The following SNX13 variants were observed in gnomAD, a reference collection of about 807,000 sequenced individuals.
SNX13 encodes sorting nexin-13.
Under a neutral mutation model 133.6 loss-of-function variants are expected in SNX13, and 45 were observed. That is an observed-to-expected ratio of 0.34 (90% confidence interval 0.27 to 0.43). SNX13 has a LOEUF of 0.43. Ranked by LOEUF, SNX13 falls within the 20% of genes least tolerant of loss-of-function variation. The pLI, the probability that SNX13 is intolerant of heterozygous loss-of-function variation, is 1.00. For synonymous variants in SNX13, 414 were observed against 373.9 expected (o/e 1.11, Z -1.24); for missense variants, 1,032 against 1,145.1 (o/e 0.90, Z 1.43).
chr7:17,802,712 T>C (rs1418633215), intron 21 of SNX13, among the ~76,000 whole-genome samples: 3 of 152,116 alleles, frequency 2.0e-5, no homozygotes, highest in Non-Finnish European at 4.4e-5. Flanking sequence ...AGAAAACCTG[T>C]TTATATACAT....
At chr7:17,927,662 T>G (rs1311878865) in intron 1 of SNX13, among the ~76,000 whole-genome samples, 5 of 152,218 alleles carry the variant, frequency 3.3e-5, no homozygotes, top group Non-Finnish European at 5.9e-5. Flanking sequence ...TTTATTATTT[T>G]GACATAATAC....
chr7:17,809,783 G>T (rs1381513263), intron 20 of SNX13, among the ~76,000 whole-genome samples: 1 of 152,154 alleles, frequency 6.6e-6, no homozygotes, highest in African/African-American at 2.4e-5. Flanking sequence ...TCAGACCACA[G>T]TGCAATCAAA....
At chr7:17,938,281 T>G (rs1181283306) in intron 1 of SNX13, among the ~76,000 whole-genome samples, 1 of 152,230 alleles carries the variant, frequency 6.6e-6, no homozygotes, top group Non-Finnish European at 1.5e-5. Flanking sequence ...TCAAGAGAGC[T>G]GAAAACTACT....
intron 20 of SNX13, among the ~76,000 whole-genome samples, chr7:17,805,211 T>TTGTGTGTGTGTGTG (rs55946438): frequency 0.015 from 1,760 of 118,300 alleles, 30 homozygotes; most frequent in African/African-American, 0.026. Context: ...TAATGATTCT[T>TTGTGTGTGTGTGTG]TGTGTGTGTG....
At chr7:17,911,004 T>C (rs1451341714) in intron 1 of SNX13, among the ~76,000 whole-genome samples, 1 of 152,180 alleles carries the variant, frequency 6.6e-6, no homozygotes. Flanking sequence ...TCAATACCAA[T>C]GAATCACTCA....
chr7:17,907,044 T>C (rs1798481506), intron 1 of SNX13, among the ~76,000 whole-genome samples: 1 of 152,184 alleles, frequency 6.6e-6, no homozygotes, highest in South Asian at 2.1e-4. Context: ...AAGTATTTTT[T>C]GTATTGTGTT....
At chr7:17,908,166 T>C (rs2128014592) in intron 1 of SNX13, among the ~76,000 whole-genome samples, 1 of 152,300 alleles carries the variant, frequency 6.6e-6, no homozygotes, top group South Asian at 2.1e-4. Context: ...TAGAGTTGCC[T>C]TGGATTATCC....
intron 1 of SNX13, among the ~76,000 whole-genome samples, chr7:17,937,006 A>G (rs1474547095): frequency 7.0e-6 from 1 of 143,132 alleles, no homozygotes; most frequent in Non-Finnish European, 1.6e-5. Flanking sequence ...AACATTAAAA[A>G]AAATAAAATA....
At chr7:17,821,750 A>G (rs1787315314) in intron 17 of SNX13, 102 bp from the exon 18 acceptor site, 2 of 1,320,380 alleles carry the variant, frequency 1.5e-6, no homozygotes, top group Admixed American at 2.4e-5. Flanking sequence ...GAAAACAAAA[A>G]AGATAATATG....
At chr7:17,868,513 A>G (rs761524868) in intron 8 of SNX13, 23 bp from the exon 9 acceptor site, 2 of 1,521,776 alleles carry the variant, frequency 1.3e-6, no homozygotes, top group Non-Finnish European at 1.8e-6. Context: ...TAAATAACAA[A>G]AACAAATTTA....
chr7:17,910,888 G>A (rs145636421), intron 1 of SNX13, among the ~76,000 whole-genome samples: 1 of 152,280 alleles, frequency 6.6e-6, no homozygotes, highest in African/African-American at 2.4e-5. Flanking sequence ...GCCACGGGCT[G>A]GGGCGGAAGA....
chr7:17,899,069 C>T (rs1214895627), intron 1 of SNX13: 1 of 152,172 alleles, frequency 6.6e-6, no homozygotes, highest in African/African-American at 2.4e-5. Flanking sequence ...GAATAAAGTA[C>T]AGAGACACTC....
intron 3 of SNX13, among the ~76,000 whole-genome samples, chr7:17,892,196 T>C (rs139595288): frequency 1.7e-3 from 264 of 152,092 alleles, no homozygotes; most frequent in African/African-American, 6.0e-3. Context: ...GATACAGATA[T>C]AGACATAGAT....
intron 1 of SNX13, among the ~76,000 whole-genome samples, chr7:17,937,140 T>C (rs767595748): frequency 4.0e-5 from 6 of 151,736 alleles, no homozygotes; most frequent in Non-Finnish European, 7.4e-5. Context: ...CCATTGTATT[T>C]AAGATAAAAT....
At chr7:17,856,839 G>C (rs1198523348) in intron 9 of SNX13, among the ~76,000 whole-genome samples, 2 of 134,146 alleles carry the variant, frequency 1.5e-5, no homozygotes, top group Non-Finnish European at 3.3e-5. Flanking sequence ...AAAAGAAAAA[G>C]AAAATTCACC....
chr7:17,796,691 G>C (rs1214949115), intron 25 of SNX13, 136 bp downstream of exon 25: 4 of 658,088 alleles, frequency 6.1e-6, no homozygotes, highest in Non-Finnish European at 1.1e-5. Flanking sequence ...GAAATGCCTA[G>C]TACAGTGCCT....
intron 17 of SNX13, among the ~76,000 whole-genome samples, chr7:17,825,257 A>AACTAGACTAG (rs3056689): frequency 0.12 from 17,757 of 146,392 alleles, 1,252 homozygotes; most frequent in African/African-American, 0.18. Context: ...AACTAGATTA[A>AACTAGACTAG]ACTAGACTAG....
intron 1 of SNX13, among the ~76,000 whole-genome samples, chr7:17,901,928 A>G (rs1219837284): frequency 6.6e-6 from 1 of 152,192 alleles, no homozygotes; most frequent in East Asian, 1.9e-4. Flanking sequence ...AGTTGTTAGG[A>G]CTAAACTGTA....
At chr7:17,903,954 A>G (rs1798119902) in intron 1 of SNX13, among the ~76,000 whole-genome samples, 1 of 152,194 alleles carries the variant, frequency 6.6e-6, no homozygotes, top group South Asian at 2.1e-4. Context: ...ACTTACTAGT[A>G]TGCTTAGATA....
Sources: allele counts gnomAD v4.1 joint callset (sites outside exome capture counted in the v4.1 genomes callset), GRCh38; gene constraint gnomAD v4.1.1; transcripts MANE v1.5; gene names NCBI Gene and HGNC (gene_info 2026-07-23, HGNC 2026-07-21).